Variants in PMM2 observed in about 807,000 individuals in gnomAD.
PMM2 encodes the protein mannose-6-phosphate isomerase.
A neutral mutation model predicts 33.2 loss-of-function variants in PMM2; 35 were observed. The observed-to-expected ratio is 1.06, with a 90% CI of 0.81 to 1.40. The LOEUF is 1.40. PMM2 is among the 40% of genes most tolerant of loss of function. The pLI is 0.00. For synonymous variants in PMM2, 153 were observed against 114.7 expected, an observed-to-expected ratio of 1.33 and a Z score of -2.13; for missense variants, 386 against 306.0, an observed-to-expected ratio of 1.26 and a Z score of -1.95.
At chr16:8,821,185 C>G (rs761488387) in intron 7 of PMM2, among the ~76,000 whole-genome samples, 1 of 152,160 alleles carries the variant, frequency 6.6e-6, no homozygotes, top group Non-Finnish European at 1.5e-5. Context: ...GTCCCTCACT[C>G]CTGGAGGGAC....
chr16:8,847,670 A>T, intron 7 of PMM2, 54 bp from the exon 8 acceptor site: 1 of 1,347,302 alleles, frequency 7.4e-7, no homozygotes, highest in Non-Finnish European at 1.1e-6. Flanking sequence ...TCACATCAGC[A>T]ATGGCCCGGG....
intron 7 of PMM2, among the ~76,000 whole-genome samples, chr16:8,819,714 TA>T (rs2060727130): frequency 6.8e-6 from 1 of 146,350 alleles, no homozygotes; most frequent in African/African-American, 2.5e-5. Context: ...AAAAAAACAA[TA>T]AAAATTAAAA....
Position 8,813,048 on chromosome 16 carries a change from G to GAC in PMM2, c.583_584dup (p.Val196MetfsTer37), listed in dbSNP as rs772017966. 1 of 1,613,770 alleles carries GAC rather than the reference G, an allele frequency of 6.2e-7. No individual in the cohort carries two copies. The highest frequency in any genetic ancestry group is 8.5e-7 in the Non-Finnish European group (1 of 1,179,634). ...GGATGGGACAAGAGATACTGTCTGCGACATGTGGAAAATGACGGTTATAAG... is the reference window on the plus strand; with the variant it reads ...GGATGGGACAAGAGATACTGTCTGCGACACATGTGGAAAATGACGGTTATAAG... On this transcript the variant is annotated frameshift_variant, in exon 7 of 8. Transcript: ENST00000268261. LOFTEE classifies it high-confidence loss of function.
intron 7 of PMM2, among the ~76,000 whole-genome samples, chr16:8,846,359 C>T (rs9940854): frequency 0.25 from 38,305 of 151,912 alleles, 4,958 homozygotes; most frequent in South Asian, 0.34. Context: ...CTTTTTTCTA[C>T]GGTTGTGTTC....
At chr16:8,844,072 A>C (rs2060907948) in intron 7 of PMM2, among the ~76,000 whole-genome samples, 1 of 152,224 alleles carries the variant, frequency 6.6e-6, no homozygotes, top group Non-Finnish European at 1.5e-5. Context: ...TTTTACGACA[A>C]GAATTATTTA....
Position 8,801,785 on chromosome 16 carries a change from T to TG in PMM2, c.67-14_67-13insG. The TG allele has an allele frequency of 1.3e-6, 2 of 1,543,646 alleles. No individual in the cohort carries two copies. Among genetic ancestry groups the TG allele is most frequent in the Non-Finnish European group, 1.8e-6 (2 of 1,121,546 alleles). ...GTGGCTTATGACTGTTGTATTTTCT[T>TG]TCTTGAAATTTAGAAAATTACCAAA... is the stretch of plus-strand genomic sequence containing the variant. On this transcript the variant is annotated splice_polypyrimidine_tract_variant and intron_variant, in intron 1 of 7. Coordinates refer to ENST00000268261, the MANE Select transcript of PMM2 (RefSeq NM_000303.3).
intron 7 of PMM2, among the ~76,000 whole-genome samples, chr16:8,814,580 T>C (rs1195353121): frequency 6.6e-6 from 1 of 152,342 alleles, no homozygotes; most frequent in East Asian, 1.9e-4. Context: ...AGAGGCTTGT[T>C]ACTTATTTTC....
chr16:8,823,558 A>G (rs1317717604), intron 7 of PMM2, among the ~76,000 whole-genome samples: 2 of 152,238 alleles, frequency 1.3e-5, no homozygotes, highest in Non-Finnish European at 2.9e-5. Flanking sequence ...GATTATTTGT[A>G]TAAAGTAAAG....
At chr16:8,838,618 T>G (rs996398950) in intron 7 of PMM2, among the ~76,000 whole-genome samples, 25 of 151,924 alleles carry the variant, frequency 1.6e-4, no homozygotes, top group South Asian at 1.0e-3. Context: ...GAAGAAACAT[T>G]TGTTGTATAG....
Position 8,847,764 on chromosome 16 carries a change from T to A in PMM2, c.680T>A (p.Met227Lys), listed in dbSNP as rs772410793. ...DHEIFTDPRT[M>K]GYSVTAPEDT... ...GAGATCTTCACAGACCCCAGAACCA[T>A]GGGCTACTCCGTGACAGCGCCTGAG... Residue 227 changes from methionine to lysine, a missense_variant, in exon 8 of 8, where the codon ATG becomes AAG. Physicochemically the swap from Met to Lys is moderately conservative, Grantham distance 95 (BLOSUM62 -1). Transcript: ENST00000268261. The A allele has an allele frequency of 3.7e-6, 6 of 1,614,066 alleles. No individual in the cohort carries two copies. Among genetic ancestry groups the A allele is most frequent in the Non-Finnish European group, 5.1e-6 (6 of 1,179,970 alleles).
chr16:8,833,037 AG>A (rs1331718525), intron 7 of PMM2: 1 of 410,876 alleles, frequency 2.4e-6, no homozygotes, highest in Non-Finnish European at 3.3e-6. Context: ...TGGCGGGTAG[AG>A]GGTTTCGTGC....
At chr16:8,824,385 G>A (rs2060754492) in intron 7 of PMM2, among the ~76,000 whole-genome samples, 1 of 152,116 alleles carries the variant, frequency 6.6e-6, no homozygotes, top group African/African-American at 2.4e-5. Context: ...AAAAGTCTCA[G>A]GACAGCCGTA....
chr16:8,819,978 T>C (rs2060728733), intron 7 of PMM2, among the ~76,000 whole-genome samples: 1 of 152,218 alleles, frequency 6.6e-6, no homozygotes, highest in Admixed American at 6.5e-5. Context: ...AAGTAAATTG[T>C]GCAACATTTT....
intron 7 of PMM2, among the ~76,000 whole-genome samples, chr16:8,835,049 A>C (rs1303284452): frequency 0.059 from 6,328 of 107,376 alleles, no homozygotes; most frequent in South Asian, 0.081. Flanking sequence ...AGAAATGTAG[A>C]GAGTGAGTTG....
intron 6 of PMM2, among the ~76,000 whole-genome samples, chr16:8,812,398 C>T (rs1402578654): frequency 6.6e-6 from 1 of 152,232 alleles, no homozygotes; most frequent in East Asian, 1.9e-4. Flanking sequence ...CCTCATTTTA[C>T]TAGCTTTCAT....
At chr16:8,813,276 G>A (rs1055334581) in intron 7 of PMM2, among the ~76,000 whole-genome samples, 170 bp downstream of exon 7, 2 of 152,102 alleles carry the variant, frequency 1.3e-5, no homozygotes, top group East Asian at 3.9e-4. Flanking sequence ...TCCCCTCTAA[G>A]CTCAGACCCC....
chr16:8,843,903 A>G (rs549609665), intron 7 of PMM2, among the ~76,000 whole-genome samples: 5 of 152,128 alleles, frequency 3.3e-5, no homozygotes, highest in African/African-American at 1.2e-4. Flanking sequence ...TAGAAAAGGA[A>G]GATTAGAAAG....
In PMM2 at chr16:8,806,372, G is replaced by A. The variant is rs773943361; in HGVS notation, c.312G>A (p.Leu104=). 1.9e-6 allele frequency: 3 copies of A among 1,613,446 alleles called. No individual in the cohort carries two copies. In the East Asian group the frequency reaches 6.7e-5, roughly 36 times the overall value. Residue 104 remains leucine (L), a synonymous_variant, in exon 4 of 8, where the codon CTG becomes CTA. Transcript: ENST00000268261. The part of the protein sequence containing the change: ...ALIQDLINYC[L]SYIAKIKLPK... ...TCCAAGATTTAATCAACTACTGTCT[G>A]AGCTACATTGCGAAAATTAAACTCC... is the stretch of plus-strand genomic sequence containing the variant.
chr16:8,804,034 T>TG (rs1555449099), intron 2 of PMM2, among the ~76,000 whole-genome samples: 1 of 115,568 alleles, frequency 8.7e-6, no homozygotes, highest in Non-Finnish European at 1.7e-5. Flanking sequence ...TTTTTTTGTT[T>TG]TTTTTTTTTT....
Sources: gnomAD v4.1 joint callset for allele counts (sites outside exome capture counted in the v4.1 genomes callset) on GRCh38, gnomAD v4.1.1 for gene constraint, MANE v1.5 for transcripts, NCBI Gene and HGNC (gene_info 2026-07-23, HGNC 2026-07-21) for gene names.